Variants in REST observed in about 807,000 individuals in gnomAD.
The protein encoded by REST is RE1-silencing transcription factor.
A neutral mutation model predicts 30.4 loss-of-function variants in REST; 1 was observed. The ratio of observed to expected loss-of-function variants is 0.03; its 90% CI spans 0.01 to 0.16. REST has a LOEUF of 0.16. REST is among the 10% of genes least tolerant of loss of function. The pLI, the probability that REST is intolerant of heterozygous loss-of-function variation, is 1.00. For missense variants in REST, 1,259 were observed against 1,329.5 expected (o/e 0.95, Z 0.82); for synonymous variants, 504 against 451.1 (o/e 1.12, Z -1.49).
chr4:56,923,243 A>C (rs151002675), intron 3 of REST, among the ~76,000 whole-genome samples: 1 of 152,356 alleles, frequency 6.6e-6, no homozygotes, highest in Non-Finnish European at 1.5e-5. Context: ...ATTACATATT[A>C]TAGGATACAA....
chr4:56,931,872 T>C lies in REST; in HGVS notation c.3014T>C (p.Ile1005Thr). 1 of 1,614,112 alleles carries C rather than the reference T, an allele frequency of 6.2e-7. No homozygotes were observed. Among genetic ancestry groups the C allele is most frequent in the Non-Finnish European group, 8.5e-7 (1 of 1,180,020 alleles). The stretch of plus-strand genomic sequence containing the variant: ...ATGGCAGCAAATGAGTCTCAGGAAA[T>C]TGATGAAGATGAAGGCATCCACAGC... ...ATMAANESQE[I>T]DEDEGIHSHE... Residue 1005 changes from isoleucine to threonine, a missense_variant, in exon 4 of 4, where the codon ATT becomes ACT. Physicochemically the swap from Ile to Thr is moderately conservative, Grantham distance 89. Coordinates refer to ENST00000309042, the MANE Select transcript of REST (RefSeq NM_005612.5).
chr4:56,927,004 G>A (rs1008036668), intron 3 of REST, among the ~76,000 whole-genome samples: 2 of 152,112 alleles, frequency 1.3e-5, no homozygotes, highest in East Asian at 1.9e-4. Flanking sequence ...GGTGAGGCAG[G>A]AGAATCGCTT....
rs887450489 is a variant in REST, at chr4:56,931,668, A to G, written c.2810A>G (p.Lys937Arg). 1.2e-6 allele frequency: 2 copies of G among 1,614,128 alleles called. No individual in the cohort carries two copies. The highest frequency in any genetic ancestry group is 1.3e-5 in the African/African-American group (1 of 74,952). Reference sequence around the variant, plus strand: ...CCAGAGGGTGAAACTTTAAATGGTAAACATCAGACTGACAGTATAGTTTGT... The same window carrying G: ...CCAGAGGGTGAAACTTTAAATGGTAGACATCAGACTGACAGTATAGTTTGT... ...NTPEGETLNG[K>R]HQTDSIVCEM... The change falls in exon 4 of 4, where the codon AAA (lysine) becomes AGA (arginine). Residue 937 changes from lysine (K) to arginine (R), a missense_variant. By Grantham distance (26) the Lys-to-Arg change is conservative. Around this residue, in one of 5 missense-constraint regions of REST, gnomAD observed 856 missense variants for 772.8 expected, o/e 1.11. Transcript: ENST00000309042.
chr4:56,930,505 C>T lies in REST; in HGVS notation c.1647C>T (p.Ser549=), dbSNP rs747917773. The T allele has an allele frequency of 3.1e-6, 5 of 1,610,760 alleles. No individual in the cohort carries two copies. The African/African-American group carries it at 6.7e-5, about 22-fold the overall frequency. Residue 549 remains serine (S), a synonymous_variant, in exon 4 of 4, where the codon AGC becomes AGT. Coordinates refer to ENST00000309042, the MANE Select transcript of REST (RefSeq NM_005612.5). Reference sequence around the variant, plus strand: ...CAAAAAAGAAAAAGAAGGTAGAAAGCAAATCCAAAAATAATAGTCAGGAAG... The same window carrying T: ...CAAAAAAGAAAAAGAAGGTAGAAAGTAAATCCAAAAATAATAGTCAGGAAG... ...SSTKKKKKVE[S]KSKNNSQEVP...
At chr4:56,908,387 C>A (rs1241144240) in intron 1 of REST, among the ~76,000 whole-genome samples, 174 bp downstream of exon 1, 1 of 150,164 alleles carries the variant, frequency 6.7e-6, no homozygotes, top group Non-Finnish European at 1.5e-5. Context: ...GGCTGGCGGC[C>A]GAGCAGGATC....
intron 1 of REST, among the ~76,000 whole-genome samples, chr4:56,910,185 T>C (rs1257330312): frequency 6.6e-6 from 1 of 152,240 alleles, no homozygotes; most frequent in Non-Finnish European, 1.5e-5. Flanking sequence ...ACTGAATGGC[T>C]TGTGGATTTC....
Position 56,930,136 on chromosome 4 carries a change from A to G in REST, c.1278A>G (p.Lys426=), listed in dbSNP as rs770494440. 6.2e-7 allele frequency: 1 copy of G among 1,613,744 alleles called. No homozygotes were observed. Among genetic ancestry groups the G allele is most frequent in the Admixed American group, 1.7e-5 (1 of 59,924 alleles). ...AAACAATGGATGTCTCAAAAGTGAA[A>G]CTAAAGAAAACCAAAAAACGAGAGG... ...PNKTMDVSKV[K]LKKTKKREAD... The change falls in exon 4 of 4, where the codon AAA becomes AAG. Residue 426 remains lysine, a synonymous_variant. Transcript: ENST00000309042.
chr4:56,929,274 T>A (rs963468849), intron 3 of REST, among the ~76,000 whole-genome samples: 1 of 152,184 alleles, frequency 6.6e-6, no homozygotes, highest in African/African-American at 2.4e-5. Flanking sequence ...TTTCACCGTG[T>A]TGGCCAGGCT....
At chr4:56,926,302 T>A (rs1462459101) in intron 3 of REST, among the ~76,000 whole-genome samples, 1 of 152,114 alleles carries the variant, frequency 6.6e-6, no homozygotes, top group Non-Finnish European at 1.5e-5. Context: ...CTCCAACTCC[T>A]GACCTCTTGA....
intron 3 of REST, among the ~76,000 whole-genome samples, chr4:56,922,824 ATTAAAT>A (rs994113717): frequency 6.6e-6 from 1 of 152,198 alleles, no homozygotes; most frequent in African/African-American, 2.4e-5. Context: ...TAAACTGGAA[ATTAAAT>A]TTAAATGCTT....
At chr4:56,929,065 A>AT (rs201103514) in intron 3 of REST, among the ~76,000 whole-genome samples, 3,677 of 140,110 alleles carry the variant, frequency 0.026, 116 homozygotes, top group African/African-American at 0.075. Context: ...TGCCTGGCTA[A>AT]TTTTTTTTTT....
chr4:56,917,627 C>G (rs544398673), intron 2 of REST, among the ~76,000 whole-genome samples: 44 of 152,308 alleles, frequency 2.9e-4, no homozygotes, highest in African/African-American at 9.9e-4. Flanking sequence ...ATTATTTAAG[C>G]TTTTGCAATT....
At chr4:56,928,823 A>G (rs1259851628) in intron 3 of REST, among the ~76,000 whole-genome samples, 2 of 151,420 alleles carry the variant, frequency 1.3e-5, no homozygotes, top group Non-Finnish European at 2.9e-5. Flanking sequence ...TCCTGACCTC[A>G]GGTGATCCAC....
intron 2 of REST, 47 bp from the exon 3 acceptor site, chr4:56,919,740 G>T: frequency 1.8e-6 from 2 of 1,124,688 alleles, no homozygotes; most frequent in Non-Finnish European, 2.7e-6. Flanking sequence ...ATTGTATTTG[G>T]CTATTTCGTG....
At chr4:56,911,776 G>T (rs1719927694) in intron 2 of REST, among the ~76,000 whole-genome samples, 1 of 152,210 alleles carries the variant, frequency 6.6e-6, no homozygotes, top group Non-Finnish European at 1.5e-5. Context: ...ACAGCCAAGA[G>T]ATCTTACCGT....
intron 2 of REST, among the ~76,000 whole-genome samples, chr4:56,917,951 C>CCAATA (rs1720280192): frequency 6.7e-6 from 1 of 149,214 alleles, no homozygotes; most frequent in Admixed American, 6.8e-5. Flanking sequence ...ACTCAGGAGG[C>CCAATA]TGAGGCAGGA....
chr4:56,927,855 A>G (rs1720782706), intron 3 of REST, among the ~76,000 whole-genome samples: 2 of 152,214 alleles, frequency 1.3e-5, no homozygotes, highest in African/African-American at 2.4e-5. Flanking sequence ...AGTTTTCTGA[A>G]TAATTACCTT....
At position 56,930,431 on chromosome 4, in the gene REST, G is replaced by A. The variant is rs1393178453; in HGVS notation, c.1573G>A (p.Val525Ile). 1 of 1,613,988 alleles carries A rather than the reference G, an allele frequency of 6.2e-7. No homozygotes were observed. Among genetic ancestry groups the A allele is most frequent in the Middle Eastern group, 1.6e-4 (1 of 6,062 alleles). Residue 525 changes from valine (V) to isoleucine (I), a missense_variant, in exon 4 of 4, where the codon GTT (valine) becomes ATT (isoleucine). Val to Ile is a conservative substitution (Grantham distance 29). Coordinates refer to ENST00000309042, the MANE Select transcript of REST (RefSeq NM_005612.5). ...KTKKSKRKLE[V>I]DSHSLHGPVN... is the part of the protein sequence containing the mutation. Reference sequence around the variant, plus strand: ...TAAGAAAAGCAAAAGGAAGCTGGAAGTTGACAGCCATTCTTTACATGGTCC... The same window carrying A: ...TAAGAAAAGCAAAAGGAAGCTGGAAATTGACAGCCATTCTTTACATGGTCC...
intron 3 of REST, chr4:56,927,594 C>T: frequency 9.7e-7 from 1 of 1,033,018 alleles, no homozygotes; most frequent in Non-Finnish European, 1.2e-6. Flanking sequence ...CGTTTTTCTA[C>T]TATGCATTCC....
Sources: gnomAD v4.1 joint callset for allele counts (sites outside exome capture counted in the v4.1 genomes callset) on GRCh38, gnomAD v4.1.1 for gene constraint, gnomAD v4.1.1 regional missense constraint, MANE v1.5 for transcripts, NCBI Gene and HGNC (gene_info 2026-07-23, HGNC 2026-07-21) for gene names.